ACSS2: variants seen among roughly 807,000 people sequenced by gnomAD.
The protein encoded by ACSS2 is acyl-CoA synthetase short chain family member 2, also known as acetyl-coenzyme A synthetase, cytoplasmic.
ACSS2 carries 58 observed loss-of-function variants against 90.6 expected under a neutral mutation model. The ratio of observed to expected loss-of-function variants is 0.64; its 90% CI spans 0.52 to 0.80. The LOEUF (loss-of-function observed/expected upper bound fraction) is 0.80. Among genes scored for constraint, ACSS2 ranks in the 30% least tolerant of loss-of-function variants. The pLI is 0.00. For synonymous variants in ACSS2, 300 were observed against 330.9 expected (o/e 0.91, Z 1.01); for missense variants, 759 against 912.0 (o/e 0.83, Z 2.16).
At chr20:34,877,818 CAAAAAAAAA>C (rs60819156) in intron 1 of ACSS2, among the ~76,000 whole-genome samples, 5 of 91,222 alleles carry the variant, frequency 5.5e-5, no homozygotes, top group African/African-American at 1.9e-4. Context: ...GACTTTGTCT[CAAAAAAAAA>C]AAAAAAAAAA....
intron 2 of ACSS2, among the ~76,000 whole-genome samples, chr20:34,898,592 A>G (rs2080530192): frequency 6.6e-6 from 1 of 152,186 alleles, no homozygotes; most frequent in Non-Finnish European, 1.5e-5. Context: ...CCAAGGCCCC[A>G]CCAGAGTAGC....
intron 2 of ACSS2, among the ~76,000 whole-genome samples, chr20:34,898,329 C>A (rs201579129): frequency 1.3e-5 from 2 of 152,034 alleles, no homozygotes; most frequent in Admixed American, 1.3e-4. Flanking sequence ...GACAGGGTGC[C>A]GATTGGTGCG....
intron 2 of ACSS2, among the ~76,000 whole-genome samples, chr20:34,912,267 T>C (rs2080977171): frequency 6.6e-6 from 1 of 152,240 alleles, no homozygotes; most frequent in Admixed American, 6.5e-5. Context: ...AATCACCTGA[T>C]AAAGGATGGC....
chr20:34,876,895 G>A, intron 1 of ACSS2, 72 bp downstream of exon 1: 1 of 1,077,458 alleles, frequency 9.3e-7, no homozygotes, highest in Non-Finnish European at 1.2e-6. Flanking sequence ...GGAGTCGGGG[G>A]CTCCCTTGGG....
Position 34,921,043 on chromosome 20 carries a change from T to G in ACSS2, c.1181T>G (p.Leu394Arg). The change falls in exon 10 of 18, where the codon CTG becomes CGG. Residue 394 changes from leucine to arginine, a missense_variant. Transcript: ENST00000360596. ...GIPTYPDVNR[L>R]WSIVDKYKVT... is the part of the protein sequence containing the mutation. Reference sequence around the variant, plus strand: ...CCCACATATCCGGACGTGAACCGCCTGTGGAGCATTGTGGACAAATACAAG... The same window carrying G: ...CCCACATATCCGGACGTGAACCGCCGGTGGAGCATTGTGGACAAATACAAG... 14 of 1,614,102 alleles carry G rather than the reference T, an allele frequency of 8.7e-6. No individual in the cohort carries two copies. The highest frequency in any genetic ancestry group is 1.0e-5 in the Non-Finnish European group (12 of 1,180,002).
intron 3 of ACSS2, 78 bp downstream of exon 3, chr20:34,913,265 C>T (rs2081003523): frequency 6.4e-7 from 1 of 1,562,868 alleles, no homozygotes; most frequent in Admixed American, 1.7e-5. Context: ...GGGGAGAGGG[C>T]AAGGGATGGA....
At chr20:34,917,364 A>G (rs376662238) in intron 7 of ACSS2, among the ~76,000 whole-genome samples, 70 of 152,276 alleles carry the variant, frequency 4.6e-4, no homozygotes, top group Middle Eastern at 6.8e-3. Context: ...ATGTTTTCTA[A>G]CCGTAGGCAG....
At position 34,922,126 on chromosome 20, in the gene ACSS2, C is replaced by CG. The variant is rs1448832836; in HGVS notation, c.1548+260_1548+261insG. The CG allele has an allele frequency of 4.7e-6, 3 of 639,610 alleles. No individual in the cohort carries two copies. The African/African-American group carries it at 5.6e-5, about 12-fold the overall frequency. 39.6% of individuals were successfully genotyped at this position (639,610 alleles called of 1,614,324 possible). A position where few individuals can be genotyped will look rare whatever the true frequency, so the allele number is the denominator to read the frequency against. ...ATGGTACCTTTTTGGGTCTGGAAGA[C>CG]TAAGTCCCATCTTCTTTTGACAAAG... On this transcript the variant is annotated intron_variant, in intron 13 of 17. Transcript: ENST00000360596.
intron 2 of ACSS2, among the ~76,000 whole-genome samples, chr20:34,894,460 G>A (rs527674772): frequency 1.9e-4 from 29 of 151,908 alleles, no homozygotes; most frequent in African/African-American, 6.0e-4. Flanking sequence ...ACTGCACTCC[G>A]GCCTGGGTGA....
In ACSS2 at chr20:34,882,807, C is replaced by T; in HGVS notation, c.192C>T (p.Asp64=). Residue 64 remains aspartate, a synonymous_variant, in exon 2 of 18, where the codon GAC becomes GAT. Transcript: ENST00000360596. Reference sequence around the variant, plus strand: ...TTTCTGTTGCAGAATTCTGGGGAGACATTGCCAAGGAATTTTACTGGAAGA... The same window carrying T: ...TTTCTGTTGCAGAATTCTGGGGAGATATTGCCAAGGAATTTTACTGGAAGA... The part of the protein sequence containing the change: ...SVEEPREFWG[D]IAKEFYWKTP... The T allele has an allele frequency of 6.2e-7, 1 of 1,612,306 alleles. No individual in the cohort carries two copies.
intron 2 of ACSS2, among the ~76,000 whole-genome samples, chr20:34,887,306 T>C (rs113604680): frequency 3.3e-5 from 5 of 152,260 alleles, no homozygotes; most frequent in African/African-American, 1.2e-4. Context: ...GTCCAGCACT[T>C]GGCTGTGACA....
intron 2 of ACSS2, among the ~76,000 whole-genome samples, chr20:34,905,346 C>T (rs2080772036): frequency 6.6e-6 from 1 of 151,244 alleles, no homozygotes; most frequent in Non-Finnish European, 1.5e-5. Context: ...GATCTTGGCT[C>T]ACTGCAAGCT....
Position 34,921,787 on chromosome 20 carries a change from CT to C in ACSS2, c.1472del (p.Phe491SerfsTer6). On this transcript the variant is annotated frameshift_variant and splice_region_variant, in exon 13 of 18. Transcript: ENST00000360596. LOFTEE classifies it high-confidence loss of function. ...GTTCTGTCTCCCGTTTGCTTCTAGA[CT>C]TTCCCATTCTTTGGTGTAGCTCCTG... ...GATPMKPGSA[T>X]FPFFGVAPAI... is the part of the protein sequence containing the mutation. The C allele has an allele frequency of 6.2e-7, 1 of 1,613,434 alleles. No homozygotes were observed. Among genetic ancestry groups the C allele is most frequent in the Non-Finnish European group, 8.5e-7 (1 of 1,179,756 alleles).
intron 1 of ACSS2, among the ~76,000 whole-genome samples, chr20:34,879,738 A>G (rs2080026002): frequency 6.6e-6 from 1 of 152,240 alleles, no homozygotes; most frequent in Admixed American, 6.5e-5. Context: ...TCTCAAAACA[A>G]AAACAAAAAC....
In ACSS2 at chr20:34,921,442, A is replaced by G. The variant is rs1360706307; in HGVS notation, c.1390A>G (p.Thr464Ala). Residue 464 changes from threonine to alanine, a missense_variant, in exon 11 of 18, where the codon ACC (threonine) becomes GCC (alanine). Coordinates refer to ENST00000360596, the MANE Select transcript of ACSS2 (RefSeq NM_018677.4). ...TGCCCAGCGCTGCCCCATCGTGGAC[A>G]CCTTCTGGCAAACAGAGACAGTGAG... Reference protein sequence around the residue: ...VGAQRCPIVDTFWQTETGGHM... With the variant: ...VGAQRCPIVDAFWQTETGGHM... The G allele has an allele frequency of 6.2e-7, 1 of 1,614,196 alleles. No homozygotes were observed. The highest frequency in any genetic ancestry group is 2.2e-5 in the East Asian group (1 of 44,874).
intron 1 of ACSS2, 84 bp from the exon 2 acceptor site, chr20:34,882,710 G>A (rs2080095686): frequency 7.7e-7 from 1 of 1,305,478 alleles, no homozygotes; most frequent in East Asian, 2.3e-5. Flanking sequence ...TTATAATTTG[G>A]TCCTGTGTAT....
At position 34,919,489 on chromosome 20, in the gene ACSS2, G is replaced by T. The variant is rs2081147623; in HGVS notation, c.889G>T (p.Gly297Trp). The change falls in exon 8 of 18, where the codon GGG becomes TGG. Residue 297 changes from glycine to tryptophan, a missense_variant. Coordinates refer to ENST00000360596, the MANE Select transcript of ACSS2 (RefSeq NM_018677.4). ...GTGGCATGAGCTCATGCAAGAGGCAGGGGATGAGTGTGAGCCCGAGTGGTG... is the reference window on the plus strand; with the variant it reads ...GTGGCATGAGCTCATGCAAGAGGCATGGGATGAGTGTGAGCCCGAGTGGTG... ...LWWHELMQEA[G>W]DECEPEWCDA... The T allele has an allele frequency of 1.9e-6, 3 of 1,612,912 alleles. No homozygotes were observed. The highest frequency in any genetic ancestry group is 3.8e-4 in the Middle Eastern group (2 of 5,266).
intron 2 of ACSS2, among the ~76,000 whole-genome samples, chr20:34,911,312 C>A (rs985891137): frequency 6.6e-6 from 1 of 151,860 alleles, no homozygotes; most frequent in South Asian, 2.1e-4. Flanking sequence ...CTCAGCCTCC[C>A]GAGTAGCTGG....
intron 3 of ACSS2, 32 bp downstream of exon 3, chr20:34,913,219 G>T (rs757281988): frequency 1.9e-6 from 3 of 1,606,962 alleles, no homozygotes; most frequent in African/African-American, 1.3e-5. Flanking sequence ...AGGACTGGGG[G>T]TCTGGCCTTG....
Sources: allele counts gnomAD v4.1 joint callset (sites outside exome capture counted in the v4.1 genomes callset), GRCh38; gene constraint gnomAD v4.1.1; transcripts MANE v1.5; gene names NCBI Gene and HGNC (gene_info 2026-07-23, HGNC 2026-07-21).